The following UNC13C variants were observed in gnomAD, a reference collection of about 807,000 sequenced individuals.
The protein encoded by UNC13C is unc-13 homolog C.
In UNC13C, 174 loss-of-function variants were observed where a neutral mutation model predicts 245.4. The ratio of observed to expected loss-of-function variants is 0.71; its 90% CI spans 0.63 to 0.80. The LOEUF is 0.80. Ranked by LOEUF, UNC13C falls within the 30% of genes least tolerant of loss-of-function variation. The probability of loss-of-function intolerance (pLI) is 0.00; values close to 1 mark genes in which losing one functional copy is unlikely to be tolerated. For missense variants in UNC13C, 2,829 were observed against 2,602.9 expected (o/e 1.09, Z -1.89); for synonymous variants, 992 against 895.1 (o/e 1.11, Z -1.93).
At chr15:54,577,676 TCCTTCCTCC>T (rs1898014378) in intron 30 of UNC13C, among the ~76,000 whole-genome samples, 2 of 152,240 alleles carry the variant, frequency 1.3e-5, no homozygotes, top group African/African-American at 4.8e-5. Context: ...TTCCAGTAAC[TCCTTCCTCC>T]CCTCATGGTT....
chr15:54,252,216 G>A (rs1480670746), intron 8 of UNC13C, among the ~76,000 whole-genome samples: 1 of 152,012 alleles, frequency 6.6e-6, no homozygotes, highest in Non-Finnish European at 1.5e-5. Context: ...AAAAAATGAT[G>A]CCACTCATAC....
At chr15:54,467,351 A>G (rs531346513) in intron 19 of UNC13C, among the ~76,000 whole-genome samples, 7 of 151,864 alleles carry the variant, frequency 4.6e-5, no homozygotes, top group African/African-American at 1.7e-4. Context: ...GCAAAAAAGT[A>G]CACAAACTTG....
chr15:54,340,312 G>GT (rs907705157), intron 17 of UNC13C, among the ~76,000 whole-genome samples: 1 of 151,688 alleles, frequency 6.6e-6, no homozygotes, highest in Non-Finnish European at 1.5e-5. Context: ...ATTTATCTTT[G>GT]TTTTTGTTGC....
At chr15:54,510,015 A>C (rs1894664611) in intron 23 of UNC13C, among the ~76,000 whole-genome samples, 1 of 152,178 alleles carries the variant, frequency 6.6e-6, no homozygotes, top group Admixed American at 6.5e-5. Context: ...CTTTTTCATC[A>C]GAAATCATCA....
rs1222221090 is a variant in UNC13C at position 54,014,409 on chromosome 15, A to G, written c.1506A>G (p.Ser502=). 1 of 1,613,722 alleles carries G rather than the reference A, an allele frequency of 6.2e-7. No individual in the cohort carries two copies. The highest frequency in any genetic ancestry group is 2.2e-5 in the East Asian group (1 of 44,882). ...KNKTANSSRI[S]NKSDYDKISS... ...AAACTGCTAATAGCAGCAGAATTTC[A>G]AATAAATCAGATTATGATAAAATCT... Residue 502 remains serine, a synonymous_variant, in exon 2 of 33, where the codon TCA becomes TCG. Coordinates refer to ENST00000260323, the MANE Select transcript of UNC13C (RefSeq NM_001080534.3).
At chr15:54,323,449 A>G (rs1008082523) in intron 14 of UNC13C, among the ~76,000 whole-genome samples, 7 of 152,036 alleles carry the variant, frequency 4.6e-5, no homozygotes, top group African/African-American at 1.7e-4. Context: ...TCAGTTCCTC[A>G]ACATGCTCAA....
chr15:53,883,125 C>T, the UNC13C span, among the ~76,000 whole-genome samples: 3 of 152,216 alleles, frequency 2.0e-5, no homozygotes, highest in Non-Finnish European at 4.4e-5. Context: ...AGAAAACTAA[C>T]TCTGTAGGAA....
chr15:54,629,897 T>C (rs1901415463), downstream of UNC13C: 1 of 152,216 alleles, frequency 6.6e-6, no homozygotes, highest in Admixed American at 6.5e-5. Context: ...TATTTATGAC[T>C]ATCATAAAGT....
intron 30 of UNC13C, among the ~76,000 whole-genome samples, chr15:54,603,691 C>T (rs1899583977): frequency 6.6e-6 from 1 of 152,068 alleles, no homozygotes; most frequent in Non-Finnish European, 1.5e-5. Context: ...GTGAAACCCC[C>T]ATCTCTACAG....
At chr15:53,919,225 ACTT>A in the UNC13C span, among the ~76,000 whole-genome samples, 1 of 152,178 alleles carries the variant, frequency 6.6e-6, no homozygotes, top group Admixed American at 6.5e-5. Flanking sequence ...TGTCTCAACT[ACTT>A]TAATTAAAAA....
intron 18 of UNC13C, among the ~76,000 whole-genome samples, chr15:54,404,857 C>G (rs2040261290): frequency 6.6e-6 from 1 of 152,090 alleles, no homozygotes; most frequent in Non-Finnish European, 1.5e-5. Flanking sequence ...GTTCATAAAA[C>G]CATTCAGTGC....
At chr15:54,071,153 A>G (rs1204064656) in intron 2 of UNC13C, among the ~76,000 whole-genome samples, 2 of 152,202 alleles carry the variant, frequency 1.3e-5, no homozygotes, top group South Asian at 2.1e-4. Context: ...AGGCATAGCC[A>G]CCAATTCAGA....
At chr15:54,108,447 A>G (rs1440385662) in intron 2 of UNC13C, among the ~76,000 whole-genome samples, 1 of 152,112 alleles carries the variant, frequency 6.6e-6, no homozygotes, top group Non-Finnish European at 1.5e-5. Context: ...TTGGCCTCTC[A>G]AAGTGCTGGG....
chr15:54,332,339 T>TGTGTGTG (rs763306749), intron 15 of UNC13C, among the ~76,000 whole-genome samples: 73 of 91,060 alleles, frequency 8.0e-4, no homozygotes, highest in African/African-American at 2.9e-3. Context: ...GTGTGTGTGT[T>TGTGTGTG]TGTGTATGCA....
chr15:54,133,233 A>C (rs4774685), intron 2 of UNC13C, among the ~76,000 whole-genome samples: 55,777 of 151,876 alleles, frequency 0.37, 10,324 homozygotes, highest in Admixed American at 0.39. Flanking sequence ...GGTTAGGGAG[A>C]TGACATGTTT....
rs1401368499 is a variant in UNC13C, at chr15:54,487,784, AAAAAAGACAGAG to A, written c.4934-6822_4934-6811del. Among the ~76,000 whole-genome samples the A allele has an allele frequency of 1.9e-3, 187 of 97,342 alleles. 1 individual carries two copies. Among genetic ancestry groups the A allele is most frequent in the African/African-American group, 6.7e-3 (183 of 27,398 alleles). The allele number at this position is 97,342 out of a possible 152,430, so 63.9% of individuals were successfully genotyped here. On this transcript the variant is annotated intron_variant, in intron 19 of 32. Transcript: ENST00000260323. ...TCCATCTCAAAAAAAAAAAAAAAAA[AAAAAAGACAGAG>A]AGAGAGAAAAGAAATTTGATTACCA...
At chr15:54,084,144 T>C (rs934639733) in intron 2 of UNC13C, among the ~76,000 whole-genome samples, 1 of 152,234 alleles carries the variant, frequency 6.6e-6, no homozygotes, top group East Asian at 1.9e-4. Flanking sequence ...CTCTTGCTAC[T>C]TTCCTTTTCT....
At chr15:54,139,618 ATT>A (rs1225320950) in intron 2 of UNC13C, among the ~76,000 whole-genome samples, 1 of 152,216 alleles carries the variant, frequency 6.6e-6, no homozygotes, top group Non-Finnish European at 1.5e-5. Flanking sequence ...CTTGGGAATT[ATT>A]TTTAATATCA....
chr15:54,401,917 T>A (rs2040195236), intron 18 of UNC13C, among the ~76,000 whole-genome samples: 1 of 152,104 alleles, frequency 6.6e-6, no homozygotes, highest in Non-Finnish European at 1.5e-5. Flanking sequence ...TTACCCAAAG[T>A]ATCCTTACAA....
Sources: allele counts gnomAD v4.1 joint callset (sites outside exome capture counted in the v4.1 genomes callset), GRCh38; gene constraint gnomAD v4.1.1; transcripts MANE v1.5; gene names NCBI Gene and HGNC (gene_info 2026-07-23, HGNC 2026-07-21).